Variants in LSM1 observed in about 807,000 individuals in gnomAD.
The protein encoded by LSM1 is U6 snRNA-associated Sm-like protein LSm1.
LSM1 carries 13 observed loss-of-function variants against 18.0 expected under a neutral mutation model. The ratio of observed to expected loss-of-function variants is 0.72; its 90% CI spans 0.47 to 1.15. The LOEUF (loss-of-function observed/expected upper bound fraction) is 1.15, where lower values mean the gene tolerates loss of function less well. Among genes scored for constraint, LSM1 ranks in the 50% most tolerant of loss-of-function variants. The pLI, the probability that LSM1 is intolerant of heterozygous loss-of-function variation, is 0.00. For missense variants in LSM1, 152 were observed against 157.7 expected, an observed-to-expected ratio of 0.96 and a Z score of 0.19; for synonymous variants, 46 against 56.0, an observed-to-expected ratio of 0.82 and a Z score of 0.80.
intron 3 of LSM1, among the ~76,000 whole-genome samples, chr8:38,164,140 T>TAC (rs1220152675): frequency 8.5e-5 from 13 of 152,166 alleles, no homozygotes; most frequent in Non-Finnish European, 1.3e-4. Context: ...CTGCAACCTC[T>TAC]ACCTCCTGGG....
rs1029312235 is a variant in LSM1 at position 38,163,601 on chromosome 8, G to A, written c.*69C>T. 1.4e-6 allele frequency: 2 copies of A among 1,394,780 alleles called. No homozygotes were observed. 86.4% of individuals were successfully genotyped at this position (1,394,780 alleles called of 1,614,324 possible). On this transcript the variant is annotated 3_prime_UTR_variant, in exon 4 of 4. Coordinates refer to ENST00000311351, the MANE Select transcript of LSM1 (RefSeq NM_014462.3). ...CAGTCTGTGATCAAATGCGTGAGGTGGCCAGGATGTCACTTTCACTCAGTG... is the reference window on the plus strand; with the variant it reads ...CAGTCTGTGATCAAATGCGTGAGGTAGCCAGGATGTCACTTTCACTCAGTG...
rs1178663456 is a variant in LSM1 at position 38,176,383 on chromosome 8, C to T, written c.-63G>A. On this transcript the variant is annotated 5_prime_UTR_variant, in exon 1 of 4. Transcript: ENST00000311351. ...AGGCCAGCGCGTCCAAAACCTCTTCCCTCCTACCGCAGTCGCCGCCTCGGT... is the reference window on the plus strand; with the variant it reads ...AGGCCAGCGCGTCCAAAACCTCTTCTCTCCTACCGCAGTCGCCGCCTCGGT... 3 of 1,346,850 alleles carry T rather than the reference C, an allele frequency of 2.2e-6. No homozygotes were observed. The highest frequency in any genetic ancestry group is 3.1e-6 in the Non-Finnish European group (3 of 954,234). 83.4% of individuals were successfully genotyped at this position (1,346,850 alleles called of 1,614,324 possible). A position where few individuals can be genotyped will look rare whatever the true frequency, so the allele number is the denominator to read the frequency against.
chr8:38,173,273 T>C (rs1266987022), intron 1 of LSM1, among the ~76,000 whole-genome samples: 1 of 151,696 alleles, frequency 6.6e-6, no homozygotes, highest in African/African-American at 2.4e-5. Flanking sequence ...ATCTTAATTA[T>C]ATGAGACTAC....
At chr8:38,164,942 T>C (rs550056405) in intron 3 of LSM1, among the ~76,000 whole-genome samples, 1 of 152,202 alleles carries the variant, frequency 6.6e-6, no homozygotes, top group Non-Finnish European at 1.5e-5. Context: ...AGATCTAAAC[T>C]GTAACAAGAC....
At chr8:38,175,040 A>AG (rs1450247213) in intron 1 of LSM1, among the ~76,000 whole-genome samples, 55 of 147,630 alleles carry the variant, frequency 3.7e-4, no homozygotes, top group South Asian at 1.0e-3. Flanking sequence ...AAAAAAAAAA[A>AG]AAAAGAAAAG....
At chr8:38,176,711 T>C, upstream of LSM1, 2 of 964,124 alleles carry the variant, frequency 2.1e-6, no homozygotes, top group South Asian at 2.1e-5. Context: ...GTCCCTCAGC[T>C]TTCGGGGTTC....
chr8:38,165,615 T>C (rs1802914881), intron 3 of LSM1, among the ~76,000 whole-genome samples: 1 of 150,842 alleles, frequency 6.6e-6, no homozygotes, highest in African/African-American at 2.4e-5. Flanking sequence ...GAGAATCACT[T>C]GAATCCAGGA....
intron 1 of LSM1, among the ~76,000 whole-genome samples, chr8:38,172,514 G>A (rs1803049996): frequency 1.3e-5 from 2 of 152,008 alleles, no homozygotes; most frequent in African/African-American, 4.8e-5. Flanking sequence ...TAGAGATGGT[G>A]TATCACCATG....
chr8:38,168,695 A>G lies in LSM1; in HGVS notation c.231+1107T>C, dbSNP rs546419769. Among the ~76,000 whole-genome samples, 5 of 151,938 alleles carry G rather than the reference A, an allele frequency of 3.3e-5. No homozygotes were observed. In the South Asian group the frequency reaches 1.0e-3, roughly 31 times the overall value. ...GTACAAACTACAAAAATATTTTATA[A>G]GAAAAATTTTTATAAGTATTACTTA... On this transcript the variant is annotated intron_variant, in intron 3 of 3. Transcript: ENST00000311351.
intron 1 of LSM1, chr8:38,175,782 A>G (rs1485411945): frequency 6.5e-6 from 1 of 153,268 alleles, no homozygotes; most frequent in Non-Finnish European, 1.5e-5. Context: ...ACAGTAAAAT[A>G]AGCTAGCAAA....
chr8:38,171,186 T>C (rs1260519791), intron 2 of LSM1, among the ~76,000 whole-genome samples: 1 of 152,194 alleles, frequency 6.6e-6, no homozygotes, highest in Admixed American at 6.5e-5. Context: ...AGGGAGGGAT[T>C]ACCTTCACTT....
chr8:38,173,235 C>T (rs919728458), intron 1 of LSM1, among the ~76,000 whole-genome samples: 1 of 152,016 alleles, frequency 6.6e-6, no homozygotes, highest in African/African-American at 2.4e-5. Context: ...CTCTTCCTTG[C>T]GCTATAAATA....
Position 38,163,989 on chromosome 8 carries a change from T to C in LSM1, c.232-149A>G, listed in dbSNP as rs1297715968. ...TATCCTTCTCCTAGGGACCGGTAAG[T>C]TTTTCAAAGAAATGCCTGACAACAC... is the stretch of plus-strand genomic sequence containing the variant. On this transcript the variant is annotated intron_variant, in intron 3 of 3. Transcript: ENST00000311351. 7.4e-6 allele frequency: 5 copies of C among 678,928 alleles called. No individual in the cohort carries two copies. In the East Asian group the frequency reaches 8.1e-5, roughly 11 times the overall value. The allele number at this position is 678,928 out of a possible 1,614,324, so 42.1% of individuals were successfully genotyped here.
chr8:38,176,055 G>A, intron 1 of LSM1: 2 of 481,028 alleles, frequency 4.2e-6, no homozygotes, highest in South Asian at 3.0e-5. Flanking sequence ...CCAGCTAGAG[G>A]GCTGGCGGAG....
intron 1 of LSM1, among the ~76,000 whole-genome samples, chr8:38,174,789 G>A (rs1425789976): frequency 2.6e-5 from 4 of 152,042 alleles, no homozygotes; most frequent in Non-Finnish European, 4.4e-5. Flanking sequence ...CTGGGAGGCC[G>A]AGGTGGGTGG....
rs901515089 is a variant in LSM1, at chr8:38,176,397, C to T, written c.-77G>A. The T allele has an allele frequency of 8.3e-7, 1 of 1,211,510 alleles. No homozygotes were observed. Among genetic ancestry groups the T allele is most frequent in the Middle Eastern group, 1.9e-4 (1 of 5,272 alleles). 75.0% of individuals were successfully genotyped at this position (1,211,510 alleles called of 1,614,324 possible). ...AAAACCTCTTCCCTCCTACCGCAGTCGCCGCCTCGGTGGGACCAAGCCCGG... is the reference window on the plus strand; with the variant it reads ...AAAACCTCTTCCCTCCTACCGCAGTTGCCGCCTCGGTGGGACCAAGCCCGG... On this transcript the variant is annotated 5_prime_UTR_variant, in exon 1 of 4. Coordinates refer to ENST00000311351, the MANE Select transcript of LSM1 (RefSeq NM_014462.3).
Position 38,170,004 on chromosome 8 carries a change from G to T in LSM1, c.116-87C>A. On this transcript the variant is annotated intron_variant, in intron 2 of 3. Coordinates refer to ENST00000311351, the MANE Select transcript of LSM1 (RefSeq NM_014462.3). ...ACTCAATAATCAGTTATTTTGAAAA[G>T]ATTTAGGTAAACATGATTTCCAAGC... The T allele has an allele frequency of 6.3e-6, 4 of 638,110 alleles. No individual in the cohort carries two copies. The South Asian group carries it at 8.3e-5, about 13-fold the overall frequency. 39.5% of individuals were successfully genotyped at this position (638,110 alleles called of 1,614,324 possible).
chr8:38,167,756 T>C (rs1031864749), intron 3 of LSM1, among the ~76,000 whole-genome samples: 2 of 152,110 alleles, frequency 1.3e-5, no homozygotes, highest in Non-Finnish European at 2.9e-5. Flanking sequence ...AGCTCCCCTA[T>C]ATACTGGCAG....
At chr8:38,165,136 G>A (rs1802907760) in intron 3 of LSM1, among the ~76,000 whole-genome samples, 2 of 151,752 alleles carry the variant, frequency 1.3e-5, no homozygotes, top group Non-Finnish European at 1.5e-5. Context: ...ATCACTTGAG[G>A]CCAGGAGTTC....
Sources: gnomAD v4.1 joint callset for allele counts (sites outside exome capture counted in the v4.1 genomes callset) on GRCh38, gnomAD v4.1.1 for gene constraint, MANE v1.5 for transcripts, NCBI Gene and HGNC (gene_info 2026-07-23, HGNC 2026-07-21) for gene names.